The following KCNC2 variants were observed in gnomAD, a reference collection of about 807,000 sequenced individuals.
The protein encoded by KCNC2 is voltage-gated potassium channel KCNC2.
In KCNC2, 21 loss-of-function variants were observed where a neutral mutation model predicts 44.5. That is an observed-to-expected ratio of 0.47 (90% CI 0.33 to 0.68). The LOEUF (loss-of-function observed/expected upper bound fraction) is 0.68, where lower values mean the gene tolerates loss of function less well. Ranked by LOEUF, KCNC2 falls within the 30% of genes least tolerant of loss-of-function variation. The probability of loss-of-function intolerance (pLI) is 0.01; values close to 1 mark genes in which losing one functional copy is unlikely to be tolerated. For missense variants in KCNC2, 589 were observed against 826.2 expected (o/e 0.71, Z 3.52); for synonymous variants, 391 against 339.1 (o/e 1.15, Z -1.68).
chr12:75,053,156 C>T (rs1273010398), intron 2 of KCNC2, among the ~76,000 whole-genome samples: 1 of 152,088 alleles, frequency 6.6e-6, no homozygotes, highest in Non-Finnish European at 1.5e-5. Context: ...TCATAAATTA[C>T]TTCTTAATCT....
At chr12:75,162,203 T>A (rs1182300739) in intron 2 of KCNC2, among the ~76,000 whole-genome samples, 2 of 151,784 alleles carry the variant, frequency 1.3e-5, no homozygotes, top group African/African-American at 4.8e-5. Context: ...CAAGATATAT[T>A]TTTTTAAATT....
chr12:75,088,705 A>G (rs1477223474), intron 2 of KCNC2, among the ~76,000 whole-genome samples: 1 of 152,010 alleles, frequency 6.6e-6, no homozygotes, highest in African/African-American at 2.4e-5. Flanking sequence ...CCCTTACCAT[A>G]CAAAAGTGAT....
chr12:75,103,019 T>A (rs11611374), intron 2 of KCNC2, among the ~76,000 whole-genome samples: 23,694 of 151,986 alleles, frequency 0.16, 2,230 homozygotes, highest in Admixed American at 0.25. Context: ...CTCAAATGGG[T>A]GCAAGCATGA....
Position 75,145,931 on chromosome 12 carries a change from A to G in KCNC2, c.687+61366T>C, listed in dbSNP as rs561911872. 6.6e-5 allele frequency among the ~76,000 whole-genome samples: 10 copies of G among 150,810 alleles called. No individual in the cohort carries two copies. The South Asian group carries it at 1.9e-3, about 28-fold the overall frequency. On this transcript the variant is annotated intron_variant, in intron 2 of 4. Transcript: ENST00000549446. Reference sequence around the variant, plus strand: ...TAAGAAATAAAATGTTACAGCTACAACTAAAGTCTTACAGTCTTACCAATT... The same window carrying G: ...TAAGAAATAAAATGTTACAGCTACAGCTAAAGTCTTACAGTCTTACCAATT...
At chr12:75,089,568 C>G (rs1020766352) in intron 2 of KCNC2, among the ~76,000 whole-genome samples, 4 of 151,676 alleles carry the variant, frequency 2.6e-5, no homozygotes, top group African/African-American at 9.7e-5. Flanking sequence ...TCATTAACAT[C>G]AATGAAAAAA....
intron 2 of KCNC2, among the ~76,000 whole-genome samples, chr12:75,139,340 A>C (rs111717931): frequency 9.2e-5 from 14 of 152,372 alleles, no homozygotes; most frequent in South Asian, 2.1e-4. Flanking sequence ...CCAAAATTTT[A>C]TCTCTTCTTC....
At chr12:75,121,355 G>A (rs1736664044) in intron 2 of KCNC2, among the ~76,000 whole-genome samples, 1 of 152,102 alleles carries the variant, frequency 6.6e-6, no homozygotes, top group South Asian at 2.1e-4. Flanking sequence ...GTGAGCACAG[G>A]GCCAAGCATA....
intron 2 of KCNC2, among the ~76,000 whole-genome samples, chr12:75,108,287 C>T (rs1228724524): frequency 2.0e-5 from 3 of 152,158 alleles, no homozygotes; most frequent in African/African-American, 4.8e-5. Flanking sequence ...CTTAACTTCT[C>T]TGATCTTTAG....
At chr12:75,091,344 C>G (rs1234915079) in intron 2 of KCNC2, among the ~76,000 whole-genome samples, 1 of 151,592 alleles carries the variant, frequency 6.6e-6, no homozygotes, top group East Asian at 1.9e-4. Context: ...GAAGTAGCTG[C>G]CTTTTGGCCT....
chr12:75,054,399 G>A (rs966553079), intron 2 of KCNC2, among the ~76,000 whole-genome samples: 2 of 152,082 alleles, frequency 1.3e-5, no homozygotes, highest in African/African-American at 4.8e-5. Context: ...GTTGAATTCT[G>A]AAGAGGGGAA....
intron 2 of KCNC2, among the ~76,000 whole-genome samples, chr12:75,103,309 G>T (rs1886521923): frequency 6.6e-6 from 1 of 152,144 alleles, no homozygotes; most frequent in Non-Finnish European, 1.5e-5. Context: ...TTGTTAAGTA[G>T]AATTGTTAAG....
chr12:75,181,357 CTGTG>C (rs1892559601), intron 2 of KCNC2, among the ~76,000 whole-genome samples: 1 of 152,088 alleles, frequency 6.6e-6, no homozygotes. Context: ...AACTTTCTGT[CTGTG>C]TAAGACATAT....
At chr12:75,162,436 G>C (rs1325955834) in intron 2 of KCNC2, among the ~76,000 whole-genome samples, 1 of 151,654 alleles carries the variant, frequency 6.6e-6, no homozygotes, top group Non-Finnish European at 1.5e-5. Flanking sequence ...AGGTTTGTGG[G>C]ACTCTTTGCC....
At chr12:75,158,210 A>G (rs537440885) in intron 2 of KCNC2, among the ~76,000 whole-genome samples, 1 of 152,048 alleles carries the variant, frequency 6.6e-6, no homozygotes, top group Admixed American at 6.6e-5. Flanking sequence ...GTTGTGAAAT[A>G]TAACAGTAAT....
chr12:75,092,255 G>T (rs1442478988), intron 2 of KCNC2, among the ~76,000 whole-genome samples: 5 of 151,570 alleles, frequency 3.3e-5, no homozygotes, highest in Non-Finnish European at 7.4e-5. Context: ...AGGCCACATA[G>T]AATTTCTCTA....
intron 2 of KCNC2, among the ~76,000 whole-genome samples, chr12:75,056,802 T>A (rs1014528654): frequency 6.6e-6 from 1 of 152,046 alleles, no homozygotes; most frequent in African/African-American, 2.4e-5. Flanking sequence ...AATTAGATAC[T>A]GCAACATGTA....
At chr12:75,087,583 A>G (rs1885130008) in intron 2 of KCNC2, among the ~76,000 whole-genome samples, 1 of 152,076 alleles carries the variant, frequency 6.6e-6, no homozygotes, top group Admixed American at 6.6e-5. Flanking sequence ...CAAGAAAATT[A>G]CCATTTTTTA....
intron 2 of KCNC2, among the ~76,000 whole-genome samples, chr12:75,191,550 T>A (rs865892450): frequency 1.8e-5 from 1 of 56,468 alleles, no homozygotes; most frequent in East Asian, 4.5e-4. Flanking sequence ...TTTTTTTTTT[T>A]TTTTTTTTTT....
intron 2 of KCNC2, among the ~76,000 whole-genome samples, chr12:75,126,722 T>C (rs1264085280): frequency 1.3e-5 from 2 of 152,094 alleles, no homozygotes; most frequent in African/African-American, 4.8e-5. Context: ...TTAAATCTTA[T>C]CTTAAACACT....
Sources: gnomAD v4.1 joint callset for allele counts (sites outside exome capture counted in the v4.1 genomes callset) on GRCh38, gnomAD v4.1.1 for gene constraint, MANE v1.5 for transcripts, NCBI Gene and HGNC (gene_info 2026-07-23, HGNC 2026-07-21) for gene names.